Variants in TARBP1 observed in about 807,000 individuals in gnomAD.
The protein encoded by TARBP1 is tRNA guanosine 2 -O-methyltransferase TARBP1.
A neutral mutation model predicts 178.6 loss-of-function variants in TARBP1; 144 were observed. That is an observed-to-expected ratio of 0.81 (90% CI 0.70 to 0.93). TARBP1 has a LOEUF of 0.93. TARBP1 is among the 40% of genes least tolerant of loss of function. TARBP1 has a pLI of 0.00. For missense variants in TARBP1, 2,067 were observed against 2,011.7 expected, an observed-to-expected ratio of 1.03 and a Z score of -0.53; for synonymous variants, 787 against 781.0, an observed-to-expected ratio of 1.01 and a Z score of -0.13.
intron 14 of TARBP1, among the ~76,000 whole-genome samples, chr1:234,431,688 C>A (rs1281768382): frequency 1.3e-5 from 2 of 152,202 alleles, no homozygotes; most frequent in Non-Finnish European, 2.9e-5. Context: ...ATTCCCACAT[C>A]AACTCTATAA....
intron 24 of TARBP1, chr1:234,405,242 C>A (rs1244269438): frequency 6.6e-6 from 1 of 152,004 alleles, no homozygotes; most frequent in African/African-American, 2.4e-5. Flanking sequence ...TCCTGGATGG[C>A]AATAATCTAT....
chr1:234,470,557 G>A (rs1392908368), intron 3 of TARBP1, among the ~76,000 whole-genome samples: 3 of 125,764 alleles, frequency 2.4e-5, no homozygotes, highest in Admixed American at 1.5e-4. Context: ...CATCATCAAC[G>A]GTTTAAAAAA....
At chr1:234,460,469 T>C (rs1667739553) in intron 6 of TARBP1, 73 bp from the exon 7 acceptor site, 5 of 1,516,696 alleles carry the variant, frequency 3.3e-6, no homozygotes, top group African/African-American at 1.4e-5. Context: ...CATTAGGTAT[T>C]AGGGAAATAC....
Position 234,472,329 on chromosome 1 carries a change from C to CAAAA in TARBP1, c.1029+381_1029+384dup, listed in dbSNP as rs1160411119. Among the ~76,000 whole-genome samples the CAAAA allele has an allele frequency of 3.4e-3, 158 of 46,062 alleles. 13 individuals carry two copies. The highest frequency in any genetic ancestry group is 4.8e-3 in the Non-Finnish European group (111 of 23,324). The allele number at this position is 46,062 out of a possible 152,430, so 30.2% of individuals were successfully genotyped here. A position where few individuals can be genotyped will look rare whatever the true frequency, so the allele number is the denominator to read the frequency against. ...GGGCGAGAGAGCAAGACTCTGTCTC[C>CAAAA]AAAAAAAAAAAAAAAAAAAAAAAAA... is the stretch of plus-strand genomic sequence containing the variant. On this transcript the variant is annotated intron_variant, in intron 2 of 29. Transcript: ENST00000040877.
intron 14 of TARBP1, 117 bp downstream of exon 14, chr1:234,433,293 A>G (rs1664664609): frequency 8.8e-7 from 1 of 1,136,884 alleles, no homozygotes; most frequent in African/African-American, 1.6e-5. Context: ...GGTATATTTT[A>G]AAACTGAATT....
chr1:234,478,837 C>T lies in TARBP1; in HGVS notation c.267G>A (p.Gln89=). 4 of 1,212,520 alleles carry T rather than the reference C, an allele frequency of 3.3e-6. No individual in the cohort carries two copies. The highest frequency in any genetic ancestry group is 4.1e-6 in the Non-Finnish European group (4 of 977,726). The allele number at this position is 1,212,520 out of a possible 1,614,324, so 75.1% of individuals were successfully genotyped here. Residue 89 remains glutamine, a synonymous_variant, in exon 1 of 30, where the codon CAG becomes CAA. Transcript: ENST00000040877. ...TCAGCACGCGCCGGCGGTGGCGAGG[C>T]TGCAGACTGGGGTCCGGGCCGCCCG... is the stretch of plus-strand genomic sequence containing the variant. ...RPAGGPDPSL[Q]PRHRRRVLRA... is the part of the protein sequence containing the mutation.
intron 28 of TARBP1, 125 bp downstream of exon 28, chr1:234,393,237 C>A: frequency 1.9e-6 from 2 of 1,054,228 alleles, no homozygotes; most frequent in South Asian, 3.7e-5. Context: ...GACTAATACA[C>A]AAAGATAGAG....
At chr1:234,453,699 T>C (rs1319955624) in intron 9 of TARBP1, among the ~76,000 whole-genome samples, 1 of 152,102 alleles carries the variant, frequency 6.6e-6, no homozygotes, top group Non-Finnish European at 1.5e-5. Context: ...AGTTATAGGA[T>C]ACAGTCAAAT....
chr1:234,426,312 A>T (rs1030927004), intron 19 of TARBP1, among the ~76,000 whole-genome samples: 2 of 152,242 alleles, frequency 1.3e-5, no homozygotes, highest in Non-Finnish European at 2.9e-5. Flanking sequence ...TGAAATCGTC[A>T]CATTCCGTTA....
intron 9 of TARBP1, among the ~76,000 whole-genome samples, 158 bp downstream of exon 9, chr1:234,457,509 G>C (rs1248137027): frequency 6.6e-6 from 1 of 152,142 alleles, no homozygotes; most frequent in African/African-American, 2.4e-5. Context: ...AGCAGAATTA[G>C]TTAAGTCCAC....
chr1:234,402,571 C>CTTTG (rs373984336), intron 24 of TARBP1, among the ~76,000 whole-genome samples: 2 of 150,342 alleles, frequency 1.3e-5, no homozygotes, highest in East Asian at 3.9e-4. Flanking sequence ...CACATTTGGA[C>CTTTG]TTTGTTTGTT....
At chr1:234,416,604 TGTC>T (rs1479717304) in intron 22 of TARBP1, among the ~76,000 whole-genome samples, 1 of 152,176 alleles carries the variant, frequency 6.6e-6, no homozygotes, top group Non-Finnish European at 1.5e-5. Flanking sequence ...GCCAAAGCAT[TGTC>T]ATTTCTTAGT....
intron 20 of TARBP1, among the ~76,000 whole-genome samples, chr1:234,421,425 G>C (rs6703898): frequency 0.24 from 36,678 of 152,106 alleles, 4,683 homozygotes; most frequent in East Asian, 0.44. Flanking sequence ...CAAAAAACTG[G>C]GAGCTATGGG....
chr1:234,459,625 A>G (rs1171587518), intron 7 of TARBP1, among the ~76,000 whole-genome samples: 1 of 152,138 alleles, frequency 6.6e-6, no homozygotes, highest in Non-Finnish European at 1.5e-5. Flanking sequence ...CAGCCTGGCC[A>G]ACATGGTGCA....
chr1:234,425,023 C>T (rs1003677428), intron 20 of TARBP1, among the ~76,000 whole-genome samples: 24 of 150,860 alleles, frequency 1.6e-4, no homozygotes, highest in South Asian at 2.1e-4. Context: ...ATCGCACCTT[C>T]GCACTCCAGC....
rs1558200706 is a variant in TARBP1 at position 234,433,524 on chromosome 1, CTCAGT to C, written c.2275_2279del (p.Thr759AlafsTer14). On this transcript the variant is annotated frameshift_variant, in exon 14 of 30. Transcript: ENST00000040877. LOFTEE classifies it high-confidence loss of function. ...CAACCTTCAAATGCAGATTTATAAG[CTCAGT>C]TAACACCATCAGGTATAAATGGCAA... 1 of 1,614,022 alleles carries C rather than the reference CTCAGT, an allele frequency of 6.2e-7. No homozygotes were observed.
At chr1:234,469,077 T>TAAAAA (rs1327979551) in intron 3 of TARBP1, among the ~76,000 whole-genome samples, 4 of 63,788 alleles carry the variant, frequency 6.3e-5, no homozygotes, top group East Asian at 4.4e-4. Context: ...TTTTTTTTTT[T>TAAAAA]AAAAAAAAAA....
Position 234,427,718 on chromosome 1 carries a change from T to G in TARBP1, c.3109A>C (p.Asn1037His). Residue 1037 changes from asparagine to histidine, a missense_variant, in exon 18 of 30, where the codon AAT (asparagine) becomes CAT (histidine). Transcript: ENST00000040877. ...TGACAGCAGTAACTTATCAGTGTATTGAAGACTCCAGTCTTTATAGCAGAC... is the reference window on the plus strand; with the variant it reads ...TGACAGCAGTAACTTATCAGTGTATGGAAGACTCCAGTCTTTATAGCAGAC... ...EMSAIKTGVF[N>H]TLISYCCQSW... The G allele has an allele frequency of 1.3e-6, 2 of 1,521,692 alleles. No individual in the cohort carries two copies. The highest frequency in any genetic ancestry group is 1.7e-6 in the Non-Finnish European group (2 of 1,143,180). The allele number at this position is 1,521,692 out of a possible 1,614,324, so 94.3% of individuals were successfully genotyped here.
At chr1:234,417,156 T>G (rs566042678) in intron 22 of TARBP1, among the ~76,000 whole-genome samples, 142 of 152,312 alleles carry the variant, frequency 9.3e-4, no homozygotes, top group Non-Finnish European at 1.7e-3. Context: ...AAATCCTTGA[T>G]GTATCACTGT....
Sources: allele counts gnomAD v4.1 joint callset (sites outside exome capture counted in the v4.1 genomes callset), GRCh38; gene constraint gnomAD v4.1.1; transcripts MANE v1.5; gene names NCBI Gene and HGNC (gene_info 2026-07-23, HGNC 2026-07-21).